Variants in WWOX observed in about 807,000 individuals in gnomAD.
The protein encoded by WWOX is WW domain containing oxidoreductase.
In WWOX, 69 loss-of-function variants were observed where a neutral mutation model predicts 46.2. The observed-to-expected ratio is 1.49, with a 90% confidence interval of 1.23 to 1.82. The LOEUF is 1.82. Among genes scored for constraint, WWOX ranks in the 40% most tolerant of loss-of-function variants. The pLI, the probability that WWOX is intolerant of heterozygous loss-of-function variation, is 0.00. For missense variants in WWOX, 919 were observed against 542.6 expected (o/e 1.69, Z -6.89); for synonymous variants, 359 against 202.6 (o/e 1.77, Z -6.56).
chr16:78,749,929 C>G lies in WWOX; in HGVS notation c.1056+317177C>G, dbSNP rs1306472949. Among the ~76,000 whole-genome samples the G allele has an allele frequency of 1.2e-4, 18 of 152,158 alleles. 1 individual carries two copies. The highest frequency in any genetic ancestry group is 1.2e-3 in the Admixed American group (18 of 15,268). Reference sequence around the variant, plus strand: ...TCAAAATAGAAGGTCAGAGAGTAGACTTTTAAAAGTCTTGCACTGTTTACA... The same window carrying G: ...TCAAAATAGAAGGTCAGAGAGTAGAGTTTTAAAAGTCTTGCACTGTTTACA... On this transcript the variant is annotated intron_variant, in intron 8 of 8. Coordinates refer to ENST00000566780, the MANE Select transcript of WWOX (RefSeq NM_016373.4).
chr16:78,919,317 C>T (rs930692434), intron 8 of WWOX, among the ~76,000 whole-genome samples: 7 of 151,736 alleles, frequency 4.6e-5, no homozygotes, highest in African/African-American at 1.5e-4. Flanking sequence ...GACAACTCAC[C>T]CAGGATCAAG....
rs555337422 is a variant in WWOX, at chr16:78,252,692, T to C, written c.516+88403T>C. On this transcript the variant is annotated intron_variant, in intron 5 of 8. Coordinates refer to ENST00000566780, the MANE Select transcript of WWOX (RefSeq NM_016373.4). ...ATTGCCAGGAGACGTAGACGAGCTT[T>C]TATTGTTTTAGCCACTGAATATACC... 3.9e-4 allele frequency among the ~76,000 whole-genome samples: 59 copies of C among 152,326 alleles called. No individual in the cohort carries two copies. In the South Asian group the frequency reaches 0.012, roughly 32 times the overall value.
chr16:78,946,544 C>G (rs553827020), intron 8 of WWOX, among the ~76,000 whole-genome samples: 3 of 152,076 alleles, frequency 2.0e-5, no homozygotes, highest in African/African-American at 4.8e-5. Flanking sequence ...ACAAAATGAC[C>G]AAACCAGTCT....
At chr16:78,291,847 G>A (rs987446934) in intron 5 of WWOX, among the ~76,000 whole-genome samples, 1 of 151,790 alleles carries the variant, frequency 6.6e-6, no homozygotes, top group Admixed American at 6.5e-5. Flanking sequence ...GCAGTGAGCT[G>A]AGAGGTCTGA....
chr16:78,241,872 A>G (rs2037661732), intron 5 of WWOX, among the ~76,000 whole-genome samples: 2 of 152,168 alleles, frequency 1.3e-5, no homozygotes, highest in African/African-American at 4.8e-5. Flanking sequence ...GCTGCCTCCA[A>G]CAGCATTGCC....
intron 8 of WWOX, among the ~76,000 whole-genome samples, chr16:78,805,946 C>A (rs865997377): frequency 6.6e-6 from 1 of 152,138 alleles, no homozygotes; most frequent in Non-Finnish European, 1.5e-5. Context: ...GAATAACACC[C>A]AATGCCACCC....
At chr16:78,593,938 C>G (rs769651295) in intron 8 of WWOX, among the ~76,000 whole-genome samples, 7 of 152,078 alleles carry the variant, frequency 4.6e-5, no homozygotes, top group Non-Finnish European at 7.4e-5. Flanking sequence ...GGAGGATGAC[C>G]TTAGTTTGCG....
chr16:79,131,978 G>A (rs2049887574), intron 8 of WWOX, among the ~76,000 whole-genome samples: 1 of 152,066 alleles, frequency 6.6e-6, no homozygotes, highest in Non-Finnish European at 1.5e-5. Context: ...ACTATCATGA[G>A]AATAGTACAG....
chr16:78,658,189 A>G (rs1045735974), intron 8 of WWOX, among the ~76,000 whole-genome samples: 2 of 152,214 alleles, frequency 1.3e-5, no homozygotes, highest in Admixed American at 6.5e-5. Context: ...CCCCTGGGGA[A>G]CAAAATCACC....
chr16:78,795,901 A>C (rs998964841), intron 8 of WWOX, among the ~76,000 whole-genome samples: 4 of 152,192 alleles, frequency 2.6e-5, no homozygotes, highest in Non-Finnish European at 4.4e-5. Context: ...AGTGGAAACA[A>C]AAGTATAAGG....
At chr16:79,188,777 C>G (rs1166613520) in intron 8 of WWOX, among the ~76,000 whole-genome samples, 1 of 152,198 alleles carries the variant, frequency 6.6e-6, no homozygotes, top group Non-Finnish European at 1.5e-5. Flanking sequence ...ACATTCTTCC[C>G]TACAGACAAC....
intron 8 of WWOX, among the ~76,000 whole-genome samples, chr16:78,849,502 A>C (rs1225153996): frequency 7.4e-6 from 1 of 135,888 alleles, no homozygotes; most frequent in Non-Finnish European, 1.5e-5. Context: ...TGAACCCGGG[A>C]GGCGGAGCTT....
chr16:78,381,364 G>A (rs1233415173), intron 5 of WWOX, among the ~76,000 whole-genome samples: 15 of 152,152 alleles, frequency 9.9e-5, no homozygotes, highest in Non-Finnish European at 2.9e-5. Context: ...GTGTATTAAG[G>A]TGGCAGTGAA....
chr16:79,198,641 C>G (rs748755803), intron 8 of WWOX, among the ~76,000 whole-genome samples: 81 of 152,154 alleles, frequency 5.3e-4, no homozygotes, highest in Non-Finnish European at 9.4e-4. Flanking sequence ...GCAGTGGGGT[C>G]AAGGGCACAG....
chr16:79,124,369 A>T (rs907881872), intron 8 of WWOX, among the ~76,000 whole-genome samples: 4 of 152,092 alleles, frequency 2.6e-5, no homozygotes, highest in Non-Finnish European at 2.9e-5. Context: ...TCACTGGTTT[A>T]TTGGAAACCA....
At chr16:78,291,437 A>T (rs1005600972) in intron 5 of WWOX, among the ~76,000 whole-genome samples, 1 of 152,188 alleles carries the variant, frequency 6.6e-6, no homozygotes, top group African/African-American at 2.4e-5. Flanking sequence ...CGCGAAGGCC[A>T]CTCACGTGAA....
intron 8 of WWOX, among the ~76,000 whole-genome samples, chr16:78,958,662 T>G (rs996032493): frequency 6.6e-6 from 1 of 152,140 alleles, no homozygotes; most frequent in African/African-American, 2.4e-5. Flanking sequence ...GTTTCTCTGG[T>G]TTTCTTTTGG....
intron 8 of WWOX, among the ~76,000 whole-genome samples, chr16:78,607,524 C>T (rs182049985): frequency 4.5e-4 from 68 of 152,308 alleles, no homozygotes; most frequent in Non-Finnish European, 9.0e-4. Context: ...CAAAGTCTTA[C>T]ACCTGAAACC....
chr16:78,826,356 G>A (rs1333369129), intron 8 of WWOX, among the ~76,000 whole-genome samples: 1 of 152,160 alleles, frequency 6.6e-6, no homozygotes, highest in Admixed American at 6.5e-5. Context: ...CAAAACAACA[G>A]CAACAGAAAT....
Sources: allele counts gnomAD v4.1 joint callset (sites outside exome capture counted in the v4.1 genomes callset), GRCh38; gene constraint gnomAD v4.1.1; transcripts MANE v1.5; gene names NCBI Gene and HGNC (gene_info 2026-07-23, HGNC 2026-07-21).